The following VPS13D variants were observed in gnomAD, a reference collection of about 807,000 sequenced individuals.
VPS13D encodes vacuolar protein sorting 13 homolog D.
In VPS13D, 187 loss-of-function variants were observed where a neutral mutation model predicts 461.9. That is an observed-to-expected ratio of 0.40 (90% CI 0.36 to 0.46). VPS13D has a LOEUF of 0.46. VPS13D is among the 20% of genes least tolerant of loss of function. The pLI, the probability that VPS13D is intolerant of heterozygous loss-of-function variation, is 0.60. For synonymous variants in VPS13D, 1,951 were observed against 1,986.3 expected, an observed-to-expected ratio of 0.98 and a Z score of 0.47; for missense variants, 4,711 against 5,364.9, an observed-to-expected ratio of 0.88 and a Z score of 3.81.
intron 65 of VPS13D, among the ~76,000 whole-genome samples, chr1:12,434,721 TAA>T (rs1317816177): frequency 6.6e-6 from 1 of 152,244 alleles, no homozygotes; most frequent in East Asian, 1.9e-4. Context: ...CACATAAACC[TAA>T]GCCTTTATTA....
intron 67 of VPS13D, among the ~76,000 whole-genome samples, chr1:12,485,215 A>G (rs938312790): frequency 1.3e-5 from 2 of 152,230 alleles, no homozygotes; most frequent in African/African-American, 4.8e-5. Flanking sequence ...GTTTAACCGC[A>G]TGGGCCCGGC....
At chr1:12,269,827 G>A (rs927229012) in intron 16 of VPS13D, among the ~76,000 whole-genome samples, 61 of 151,946 alleles carry the variant, frequency 4.0e-4, no homozygotes, top group African/African-American at 1.4e-3. Context: ...CATAAATGCC[G>A]TGACTTCATT....
chr1:12,411,081 G>A (rs1047265506), intron 63 of VPS13D, among the ~76,000 whole-genome samples: 37 of 152,126 alleles, frequency 2.4e-4, no homozygotes, highest in African/African-American at 6.0e-4. Context: ...TTCTTTCACC[G>A]TTACACGGGA....
chr1:12,369,215 A>ATG (rs879900824), intron 53 of VPS13D, among the ~76,000 whole-genome samples: 2 of 151,146 alleles, frequency 1.3e-5, no homozygotes, highest in Non-Finnish European at 2.9e-5. Flanking sequence ...ATATGTATAT[A>ATG]TGTGTGTGTG....
At chr1:12,270,307 A>G (rs967096172) in intron 16 of VPS13D, among the ~76,000 whole-genome samples, 7 of 151,292 alleles carry the variant, frequency 4.6e-5, no homozygotes, top group Non-Finnish European at 7.4e-5. Context: ...AAATACAAAA[A>G]TTAGCTGGGT....
At chr1:12,478,496 T>C (rs1018778536) in intron 67 of VPS13D, 31 of 271,516 alleles carry the variant, frequency 1.1e-4, no homozygotes, top group African/African-American at 6.5e-4. Flanking sequence ...CGCCAATGAG[T>C]GCATATCCAC....
At chr1:12,449,679 A>T (rs1168485755) in intron 65 of VPS13D, among the ~76,000 whole-genome samples, 1 of 152,150 alleles carries the variant, frequency 6.6e-6, no homozygotes, top group Non-Finnish European at 1.5e-5. Context: ...GTCTTACATG[A>T]CTCAAAGATG....
At chr1:12,295,889 A>G (rs1354693285) in intron 24 of VPS13D, among the ~76,000 whole-genome samples, 1 of 152,254 alleles carries the variant, frequency 6.6e-6, no homozygotes, top group African/African-American at 2.4e-5. Context: ...TTAAAATTAA[A>G]AAGAAAAAAT....
At position 12,412,616 on chromosome 1, in the gene VPS13D, ACTCC is replaced by A. The variant is rs941419635; in HGVS notation, c.12031-2466_12031-2463del. Reference sequence around the variant, plus strand: ...TATCAGAAAAAAATGAATCTTGGCCACTCCCTCCTACCGTACATAAAAATAAATT... The same window carrying A: ...TATCAGAAAAAAATGAATCTTGGCCACTCCTACCGTACATAAAAATAAATT... On this transcript the variant is annotated intron_variant, in intron 63 of 69. Coordinates refer to ENST00000620676, the MANE Select transcript of VPS13D (RefSeq NM_015378.4). 2.1e-3 allele frequency among the ~76,000 whole-genome samples: 327 copies of A among 152,224 alleles called. 2 individuals are homozygous for A. Among genetic ancestry groups the A allele is most frequent in the African/African-American group, 7.4e-3 (307 of 41,546 alleles).
At chr1:12,290,595 A>T (rs1304855589) in intron 22 of VPS13D, among the ~76,000 whole-genome samples, 1 of 151,892 alleles carries the variant, frequency 6.6e-6, no homozygotes, top group Admixed American at 6.6e-5. Context: ...GGTGGTGGGC[A>T]CCTGTAGTCC....
rs374431277 is a variant in VPS13D at position 12,376,178 on chromosome 1, A to G, written c.10918-2250A>G. Among the ~76,000 whole-genome samples, 40 of 152,372 alleles carry G rather than the reference A, an allele frequency of 2.6e-4. 3 individuals are homozygous for G. The highest frequency in any genetic ancestry group is 2.1e-3 in the Admixed American group (32 of 15,306). On this transcript the variant is annotated intron_variant, in intron 55 of 69. Transcript: ENST00000620676. ...AGAGATGCTTTCTGTTTCTGTGAAC[A>G]GAGAAGCAAGCATGTGGGAATTGGA...
At chr1:12,298,346 A>G (rs1027310817) in intron 24 of VPS13D, among the ~76,000 whole-genome samples, 1 of 152,136 alleles carries the variant, frequency 6.6e-6, no homozygotes, top group Non-Finnish European at 1.5e-5. Flanking sequence ...TGTTCTTATA[A>G]AGAGGATATG....
At chr1:12,297,988 G>A (rs893728958) in intron 24 of VPS13D, among the ~76,000 whole-genome samples, 2 of 152,186 alleles carry the variant, frequency 1.3e-5, no homozygotes, top group African/African-American at 4.8e-5. Flanking sequence ...CAAGATGTAA[G>A]TGCTAGTCAG....
chr1:12,321,751 AG>A, intron 32 of VPS13D, 57 bp from the exon 33 acceptor site: 1 of 1,542,396 alleles, frequency 6.5e-7, no homozygotes. Context: ...TTGTGCTGGT[AG>A]TTGGACCCTT....
chr1:12,298,238 A>G lies in VPS13D; in HGVS notation c.6034-964A>G, dbSNP rs569369196. Among the ~76,000 whole-genome samples the G allele has an allele frequency of 1.6e-4, 24 of 152,336 alleles. No homozygotes were observed. In the South Asian group the frequency reaches 4.6e-3, roughly 29 times the overall value. On this transcript the variant is annotated intron_variant, in intron 24 of 69. Coordinates refer to ENST00000620676, the MANE Select transcript of VPS13D (RefSeq NM_015378.4). ...ACGACTTAACCAAGATAACCAAGCT[A>G]CTAAGTGGCCAGGGGTTTATTAGTT... is the stretch of plus-strand genomic sequence containing the variant.
At chr1:12,497,892 G>C (rs1486181596) in intron 68 of VPS13D, among the ~76,000 whole-genome samples, 1 of 152,166 alleles carries the variant, frequency 6.6e-6, no homozygotes, top group Non-Finnish European at 1.5e-5. Flanking sequence ...TCTCTTTCTA[G>C]TTAGTTCAAA....
chr1:12,266,809 A>G (rs1641282798), intron 13 of VPS13D, 72 bp from the exon 14 acceptor site: 3 of 1,270,466 alleles, frequency 2.4e-6, no homozygotes, highest in South Asian at 3.9e-5. Context: ...GTAAAATAGA[A>G]TATCTAATAT....
intron 66 of VPS13D, among the ~76,000 whole-genome samples, chr1:12,457,555 T>C (rs757569712): frequency 6.6e-6 from 1 of 152,198 alleles, no homozygotes; most frequent in African/African-American, 2.4e-5. Context: ...TAAATTAAAC[T>C]CTTTGTACCA....
Position 12,333,280 on chromosome 1 carries a change from C to A in VPS13D, c.8342C>A (p.Ala2781Glu). 1 of 1,614,122 alleles carries A rather than the reference C, an allele frequency of 6.2e-7. No individual in the cohort carries two copies. The highest frequency in any genetic ancestry group is 8.5e-7 in the Non-Finnish European group (1 of 1,179,978). Residue 2781 changes from alanine (A) to glutamate (E), a missense_variant, in exon 38 of 70, where the codon GCA becomes GAA. Around this residue, in one of 3 missense-constraint regions of VPS13D, gnomAD observed 4,411 missense variants for 4,937.8 expected, o/e 0.89. Coordinates refer to ENST00000620676, the MANE Select transcript of VPS13D (RefSeq NM_015378.4). ...WPCSVSWQQQ[A>E]ASRLHPPRLK... ...TGCTCTGTATCCTGGCAACAGCAGG[C>A]AGCTAGTCGTCTCCATCCTCCTCGA...
Sources: allele counts gnomAD v4.1 joint callset (sites outside exome capture counted in the v4.1 genomes callset), GRCh38; gene constraint gnomAD v4.1.1; regional missense constraint gnomAD v4.1.1; transcripts MANE v1.5; gene names NCBI Gene and HGNC (gene_info 2026-07-23, HGNC 2026-07-21).